ST3GAL4: variants seen among roughly 807,000 people sequenced by gnomAD.
ST3GAL4 encodes ST3 beta-galactoside alpha-2,3-sialyltransferase 4.
In ST3GAL4, 24 loss-of-function variants were observed where a neutral mutation model predicts 42.6. That is an observed-to-expected ratio of 0.56 (90% confidence interval 0.41 to 0.79). The LOEUF (loss-of-function observed/expected upper bound fraction) is 0.79. Among genes scored for constraint, ST3GAL4 ranks in the 30% least tolerant of loss-of-function variants. The pLI, the probability that ST3GAL4 is intolerant of heterozygous loss-of-function variation, is 0.00. For missense variants in ST3GAL4, 311 were observed against 430.8 expected, an observed-to-expected ratio of 0.72 and a Z score of 2.46; for synonymous variants, 135 against 163.2, an observed-to-expected ratio of 0.83 and a Z score of 1.32.
intron 1 of ST3GAL4, among the ~76,000 whole-genome samples, chr11:126,399,643 A>G (rs984219547): frequency 2.0e-5 from 3 of 151,958 alleles, no homozygotes; most frequent in Non-Finnish European, 4.4e-5. Flanking sequence ...TAAATTATTT[A>G]TTTCTTCTCA....
chr11:126,381,157 G>C (rs573539518), intron 1 of ST3GAL4, among the ~76,000 whole-genome samples: 34 of 152,168 alleles, frequency 2.2e-4, no homozygotes, highest in Non-Finnish European at 4.6e-4. Context: ...CTGTGGCTTT[G>C]CTCGGCCTTA....
Position 126,404,566 on chromosome 11 carries a change from CAG to C in ST3GAL4, c.-60-1526_-60-1525del, listed in dbSNP as rs575603550. Among the ~76,000 whole-genome samples, 299 of 152,086 alleles carry C rather than the reference CAG, an allele frequency of 2.0e-3. 1 individual carries two copies. Among genetic ancestry groups the C allele is most frequent in the South Asian group, 2.3e-3 (11 of 4,820 alleles). ...GGAGGGCCATGTGTAGGGAACGACTCAGAGATTGCTGTGGGGTGAGGGGTAGG... is the reference window on the plus strand; with the variant it reads ...GGAGGGCCATGTGTAGGGAACGACTCAGATTGCTGTGGGGTGAGGGGTAGG... On this transcript the variant is annotated intron_variant, in intron 1 of 10. Coordinates refer to ENST00000444328, the MANE Select transcript of ST3GAL4 (RefSeq NM_001254757.2).
rs1952826395 is a variant in ST3GAL4, at chr11:126,376,121, A to G, written c.-61+20279A>G. On this transcript the variant is annotated intron_variant, in intron 1 of 10. Transcript: ENST00000444328. This position sits in a 1 kb window ranked among gnomAD's most constrained non-coding sequence, Gnocchi z 5.1. ...GCAAGATAGGAAAACACAGAATTAT[A>G]TAATACGAAATTACATTATATCATA... 6.6e-6 allele frequency among the ~76,000 whole-genome samples: 1 copy of G among 152,172 alleles called. No homozygotes were observed. The highest frequency in any genetic ancestry group is 2.1e-4 in the South Asian group (1 of 4,834).
rs1953552329 is a variant in ST3GAL4, at chr11:126,392,361, G to A, written c.-60-13735G>A. 1 of 985,756 alleles carries A rather than the reference G, an allele frequency of 1.0e-6. No homozygotes were observed. The highest frequency in any genetic ancestry group is 6.2e-5 in the Admixed American group (1 of 16,260). The allele number at this position is 985,756 out of a possible 1,614,324, so 61.1% of individuals were successfully genotyped here. On this transcript the variant is annotated intron_variant, in intron 1 of 10. Transcript: ENST00000444328. The surrounding 1 kb of genome is among the most constrained non-coding windows in gnomAD (Gnocchi z 5.8). ...TGCAGCAGACATGGAGCTGGTAAGT[G>A]GTTAAGATCAGTCGGACATGACAAC...
chr11:126,368,533 G>T (rs1184123427), intron 1 of ST3GAL4, among the ~76,000 whole-genome samples: 1 of 152,198 alleles, frequency 6.6e-6, no homozygotes, highest in Non-Finnish European at 1.5e-5. Context: ...GGGAAGGAGT[G>T]ATGTGACCTC....
rs2096668673 is a variant in ST3GAL4, at chr11:126,406,615, G to A, written c.101+58G>A. ...CTTGTCAGGGACAGGGCTTAGGGAT[G>A]GAGCATCATGGAGCGGGGGACCTAG... On this transcript the variant is annotated intron_variant, in intron 3 of 10. Transcript: ENST00000444328. This position sits in a 1 kb window ranked among gnomAD's most constrained non-coding sequence, Gnocchi z 5.4. 1.2e-6 allele frequency: 2 copies of A among 1,611,288 alleles called. No individual in the cohort carries two copies. Among genetic ancestry groups the A allele is most frequent in the Admixed American group, 1.7e-5 (1 of 59,890 alleles).
chr11:126,388,348 T>G (rs1953312594), intron 1 of ST3GAL4, among the ~76,000 whole-genome samples: 1 of 152,232 alleles, frequency 6.6e-6, no homozygotes, highest in African/African-American at 2.4e-5. Flanking sequence ...TTTTCTTTTT[T>G]AAGACAGAGT....
In ST3GAL4 at chr11:126,406,418, G is replaced by A. The variant is rs372066765; in HGVS notation, c.17-55G>A. On this transcript the variant is annotated intron_variant, in intron 2 of 10. Coordinates refer to ENST00000444328, the MANE Select transcript of ST3GAL4 (RefSeq NM_001254757.2). The surrounding 1 kb of genome is among the most constrained non-coding windows in gnomAD (Gnocchi z 5.4). Reference sequence around the variant, plus strand: ...GAAGGGGGCAGGTGGGAAGGTGGACGGGGGTTGTACCTGCCTGTTGCTGCC... The same window carrying A: ...GAAGGGGGCAGGTGGGAAGGTGGACAGGGGTTGTACCTGCCTGTTGCTGCC... 2.3e-5 allele frequency: 37 copies of A among 1,613,184 alleles called. No homozygotes were observed. Among genetic ancestry groups the A allele is most frequent in the African/African-American group, 4.0e-5 (3 of 75,044 alleles).
intron 9 of ST3GAL4, among the ~76,000 whole-genome samples, chr11:126,412,094 C>T (rs1017124800): frequency 2.6e-5 from 4 of 151,880 alleles, no homozygotes; most frequent in African/African-American, 7.3e-5. Flanking sequence ...CTTGGACAGC[C>T]GGTAGGGGGC....
intron 1 of ST3GAL4, among the ~76,000 whole-genome samples, chr11:126,360,800 T>A (rs1952218255): frequency 6.6e-6 from 1 of 152,222 alleles, no homozygotes; most frequent in Non-Finnish European, 1.5e-5. Context: ...ACTCAATAGA[T>A]TCTTGTGTGA....
rs908793337 is a variant in ST3GAL4, at chr11:126,393,405, G to A, written c.-60-12691G>A. On this transcript the variant is annotated intron_variant, in intron 1 of 10. Transcript: ENST00000444328. The surrounding 1 kb of genome is among the most constrained non-coding windows in gnomAD (Gnocchi z 5.9). ...GGGTTTAGGCAGAGTAGAGGTGATTGTGTGGGCCGGGGGAGCAATGTCACC... is the reference window on the plus strand; with the variant it reads ...GGGTTTAGGCAGAGTAGAGGTGATTATGTGGGCCGGGGGAGCAATGTCACC... 2 of 152,314 alleles carry A rather than the reference G, an allele frequency of 1.3e-5. No homozygotes were observed. The highest frequency in any genetic ancestry group is 1.3e-4 in the Admixed American group (2 of 15,288). 9.4% of individuals were successfully genotyped at this position (152,314 alleles called of 1,614,324 possible).
chr11:126,390,852 TC>T (rs950790370), intron 1 of ST3GAL4, among the ~76,000 whole-genome samples: 94 of 109,914 alleles, frequency 8.6e-4, no homozygotes, highest in Middle Eastern at 8.4e-3. Flanking sequence ...CATTTCCGCC[TC>T]CCCCCAGCCC....
At chr11:126,405,804 C>T in intron 1 of ST3GAL4, 1 of 412,150 alleles carries the variant, frequency 2.4e-6, no homozygotes. Context: ...GTGAGAAGAA[C>T]CACACCAGAG....
chr11:126,377,507 G>A (rs1952866235), intron 1 of ST3GAL4, among the ~76,000 whole-genome samples: 1 of 127,192 alleles, frequency 7.9e-6, no homozygotes, highest in African/African-American at 3.1e-5. Flanking sequence ...TTGAGATACA[G>A]TCTCACTCTG....
intron 1 of ST3GAL4, among the ~76,000 whole-genome samples, chr11:126,361,816 A>G (rs1364994435): frequency 6.6e-6 from 1 of 151,690 alleles, no homozygotes; most frequent in Non-Finnish European, 1.5e-5. Flanking sequence ...CCCTCCATGC[A>G]TGGCCTTGGA....
intron 4 of ST3GAL4, 62 bp downstream of exon 4, chr11:126,407,085 C>A: frequency 6.5e-7 from 1 of 1,548,074 alleles, no homozygotes; most frequent in Non-Finnish European, 8.9e-7. Context: ...TTGAGGGTTT[C>A]ACAGTGTGGG....
chr11:126,366,987 A>T lies in ST3GAL4; in HGVS notation c.-61+11145A>T, dbSNP rs1005944260. 1.1e-4 allele frequency among the ~76,000 whole-genome samples: 16 copies of T among 151,850 alleles called. 1 individual carries two copies. Among genetic ancestry groups the T allele is most frequent in the Admixed American group, 9.2e-4 (14 of 15,252 alleles). ...ATTTTGGGGTACTGGGTTTGGATAG[A>T]GTGTGTCATCTGCAGAGGGAGCACT... On this transcript the variant is annotated intron_variant, in intron 1 of 10. Transcript: ENST00000444328. The surrounding 1 kb of genome is among the most constrained non-coding windows in gnomAD (Gnocchi z 4.2).
rs950335948 is a variant in ST3GAL4, at chr11:126,409,806, A to G, written c.771+395A>G. 1.3e-5 allele frequency among the ~76,000 whole-genome samples: 2 copies of G among 152,190 alleles called. No individual in the cohort carries two copies. Among genetic ancestry groups the G allele is most frequent in the African/African-American group, 2.4e-5 (1 of 41,428 alleles). On this transcript the variant is annotated intron_variant, in intron 9 of 10. Coordinates refer to ENST00000444328, the MANE Select transcript of ST3GAL4 (RefSeq NM_001254757.2). This position sits in a 1 kb window ranked among gnomAD's most constrained non-coding sequence, Gnocchi z 4.9. ...ATCTTATCTTGAAACACTAGTCTGA[A>G]CGAGTTATAAGAGTTGGAGCTAAAC... is the stretch of plus-strand genomic sequence containing the variant.
chr11:126,400,930 T>G lies in ST3GAL4; in HGVS notation c.-60-5166T>G, dbSNP rs575592180. On this transcript the variant is annotated intron_variant, in intron 1 of 10. Coordinates refer to ENST00000444328, the MANE Select transcript of ST3GAL4 (RefSeq NM_001254757.2). This position sits in a 1 kb window ranked among gnomAD's most constrained non-coding sequence, Gnocchi z 4.6. Reference sequence around the variant, plus strand: ...CCTGTGGTAAGGAGCTTTGCAAGCATTTGCTAGAATATGAGCAAATGGAGG... The same window carrying G: ...CCTGTGGTAAGGAGCTTTGCAAGCAGTTGCTAGAATATGAGCAAATGGAGG... 3.1e-4 allele frequency among the ~76,000 whole-genome samples: 47 copies of G among 152,216 alleles called. No homozygotes were observed. Among genetic ancestry groups the G allele is most frequent in the African/African-American group, 1.1e-3 (45 of 41,526 alleles).
Sources: gnomAD v4.1 joint callset for allele counts (sites outside exome capture counted in the v4.1 genomes callset) on GRCh38, gnomAD v4.1.1 for gene constraint, Gnocchi (gnomAD v3.1) non-coding constraint, MANE v1.5 for transcripts, NCBI Gene and HGNC (gene_info 2026-07-23, HGNC 2026-07-21) for gene names.